The following LRRC69 variants were observed in gnomAD, a reference collection of about 807,000 sequenced individuals.
The protein encoded by LRRC69 is leucine-rich repeat-containing protein 69.
LRRC69 carries 42 observed loss-of-function variants against 37.8 expected under a neutral mutation model. The ratio of observed to expected loss-of-function variants is 1.11; its 90% CI spans 0.87 to 1.44. The LOEUF is 1.44. Among genes scored for constraint, LRRC69 ranks in the 40% most tolerant of loss-of-function variants. LRRC69 has a pLI of 0.00. For synonymous variants in LRRC69, 141 were observed against 143.1 expected, an observed-to-expected ratio of 0.99 and a Z score of 0.11; for missense variants, 357 against 401.9, an observed-to-expected ratio of 0.89 and a Z score of 0.96.
intron 5 of LRRC69, among the ~76,000 whole-genome samples, chr8:91,148,867 G>A (rs371006566): frequency 2.0e-5 from 3 of 151,664 alleles, no homozygotes; most frequent in African/African-American, 4.8e-5. Flanking sequence ...GTCTTTTGGC[G>A]GCATAAATGT....
rs1011060155 is a variant in LRRC69 at position 91,173,117 on chromosome 8, C to T, written c.652-16405C>T. 2.0e-5 allele frequency among the ~76,000 whole-genome samples: 3 copies of T among 151,734 alleles called. No homozygotes were observed. In the East Asian group the frequency reaches 5.8e-4, roughly 29 times the overall value. ...ACATCTCCTAACTAGGCTATAGTTG[C>T]GTAGGATGTAGGGGAAGAGGGTGAG... On this transcript the variant is annotated intron_variant, in intron 5 of 7. Transcript: ENST00000448384.
At chr8:91,206,749 A>C (rs1444336579) in intron 7 of LRRC69, 2 of 1,289,670 alleles carry the variant, frequency 1.6e-6, no homozygotes, top group African/African-American at 3.0e-5. Flanking sequence ...CTGAGTGTGC[A>C]TCTGGTGCTC....
chr8:91,114,370 T>G (rs1813469614), intron 1 of LRRC69, among the ~76,000 whole-genome samples: 1 of 151,980 alleles, frequency 6.6e-6, no homozygotes, highest in Non-Finnish European at 1.5e-5. Flanking sequence ...TGCAGCGTTA[T>G]TCACAATAGC....
rs79351252 is a variant in LRRC69 at position 91,136,742 on chromosome 8, T to C, written c.651+1003T>C. Among the ~76,000 whole-genome samples, 298 of 152,164 alleles carry C rather than the reference T, an allele frequency of 2.0e-3. 1 individual carries two copies. The highest frequency in any genetic ancestry group is 6.8e-3 in the Middle Eastern group (2 of 294). ...CTTTCCCCCCTTCATGGCAACCACA[T>C]ATCTACTATATATCTCTGAATTTGA... On this transcript the variant is annotated intron_variant, in intron 5 of 7. Transcript: ENST00000448384.
At chr8:91,174,806 G>T (rs1201958090) in intron 5 of LRRC69, among the ~76,000 whole-genome samples, 3 of 152,150 alleles carry the variant, frequency 2.0e-5, no homozygotes, top group Non-Finnish European at 4.4e-5. Context: ...GTGCTGCAAG[G>T]TTTACAAGTA....
chr8:91,176,272 C>G (rs1025738693), intron 5 of LRRC69, among the ~76,000 whole-genome samples: 1 of 151,406 alleles, frequency 6.6e-6, no homozygotes, highest in African/African-American at 2.4e-5. Flanking sequence ...GTAGCTGGGA[C>G]TACAGGCATG....
intron 7 of LRRC69, among the ~76,000 whole-genome samples, chr8:91,217,832 G>A (rs1294530633): frequency 6.6e-6 from 1 of 152,140 alleles, no homozygotes; most frequent in Non-Finnish European, 1.5e-5. Flanking sequence ...CAGGTTTGTA[G>A]ATATTCTATA....
At chr8:91,197,715 G>A (rs1266056056) in intron 6 of LRRC69, among the ~76,000 whole-genome samples, 4 of 151,952 alleles carry the variant, frequency 2.6e-5, no homozygotes, top group Non-Finnish European at 4.4e-5. Context: ...CGCACGGTGC[G>A]CGCACCCACT....
Position 91,158,204 on chromosome 8 carries a change from G to A in LRRC69, c.651+22465G>A, listed in dbSNP as rs1808870806. Reference sequence around the variant, plus strand: ...AGAGGATTCTGCTTGTATTCCATGGGCTTACTATTCAACTGTGGATCAAGT... The same window carrying A: ...AGAGGATTCTGCTTGTATTCCATGGACTTACTATTCAACTGTGGATCAAGT... On this transcript the variant is annotated intron_variant, in intron 5 of 7. Transcript: ENST00000448384. 2.5e-6 allele frequency: 4 copies of A among 1,602,986 alleles called. No homozygotes were observed. In the South Asian group the frequency reaches 4.4e-5, roughly 18 times the overall value.
intron 7 of LRRC69, chr8:91,209,634 G>A (rs1233634588): frequency 6.6e-6 from 1 of 152,142 alleles, no homozygotes; most frequent in Non-Finnish European, 1.5e-5. Context: ...GTAGGCTGTG[G>A]AAAGAGCTAG....
intron 7 of LRRC69, among the ~76,000 whole-genome samples, chr8:91,202,048 A>G (rs776043597): frequency 2.0e-5 from 3 of 152,118 alleles, no homozygotes; most frequent in Non-Finnish European, 2.9e-5. Context: ...TCTACTAAAA[A>G]TACAAAAATT....
At chr8:91,216,163 C>T (rs562683299) in intron 7 of LRRC69, among the ~76,000 whole-genome samples, 16 of 152,146 alleles carry the variant, frequency 1.1e-4, no homozygotes, top group African/African-American at 3.1e-4. Flanking sequence ...AAACTAACAA[C>T]GGGCATTTAA....
At chr8:91,203,879 G>A (rs1481385402) in intron 7 of LRRC69, among the ~76,000 whole-genome samples, 1 of 151,534 alleles carries the variant, frequency 6.6e-6, no homozygotes, top group Non-Finnish European at 1.5e-5. Flanking sequence ...CAGCACTTTC[G>A]GAGGCTGAGG....
At chr8:91,168,395 C>T (rs770207624) in intron 5 of LRRC69, among the ~76,000 whole-genome samples, 5 of 151,954 alleles carry the variant, frequency 3.3e-5, no homozygotes, top group Middle Eastern at 6.8e-3. Context: ...GAACTACTTC[C>T]AGTGGGAGTG....
At chr8:91,132,019 A>G (rs1216045157) in intron 3 of LRRC69, among the ~76,000 whole-genome samples, 1 of 151,842 alleles carries the variant, frequency 6.6e-6, no homozygotes, top group African/African-American at 2.4e-5. Flanking sequence ...TATGGCTTCT[A>G]CTATGTACGG....
chr8:91,128,154 T>G (rs551779257), intron 3 of LRRC69, among the ~76,000 whole-genome samples: 1 of 152,164 alleles, frequency 6.6e-6, no homozygotes, highest in African/African-American at 2.4e-5. Context: ...CCTTGGGAGA[T>G]CTCATGAATG....
chr8:91,154,241 A>G (rs550459590), intron 5 of LRRC69, among the ~76,000 whole-genome samples: 125 of 133,748 alleles, frequency 9.3e-4, no homozygotes, highest in African/African-American at 3.0e-3. Context: ...CCAACCAAAG[A>G]AAAAAAAAAG....
At chr8:91,172,247 CA>C (rs1433913975) in intron 5 of LRRC69, among the ~76,000 whole-genome samples, 1 of 151,824 alleles carries the variant, frequency 6.6e-6, no homozygotes, top group Non-Finnish European at 1.5e-5. Context: ...TTGTACATAC[CA>C]TTAGTTATTC....
rs1809436458 is a variant in LRRC69, at chr8:91,188,255, A to G, written c.652-1267A>G. ...AAGATTTCCTGTACTTTTGAAACCTAATGACATGATATCCCAGATGTTTAA... is the reference window on the plus strand; with the variant it reads ...AAGATTTCCTGTACTTTTGAAACCTGATGACATGATATCCCAGATGTTTAA... On this transcript the variant is annotated intron_variant, in intron 5 of 7. Transcript: ENST00000448384. 2.0e-5 allele frequency among the ~76,000 whole-genome samples: 3 copies of G among 152,222 alleles called. No homozygotes were observed. In the South Asian group the frequency reaches 6.2e-4, roughly 32 times the overall value.
Sources: gnomAD v4.1 joint callset for allele counts (sites outside exome capture counted in the v4.1 genomes callset) on GRCh38, gnomAD v4.1.1 for gene constraint, MANE v1.5 for transcripts, NCBI Gene and HGNC (gene_info 2026-07-23, HGNC 2026-07-21) for gene names.